MAP9: variants seen among roughly 807,000 people sequenced by gnomAD.
MAP9 encodes the protein microtubule-associated protein 9.
A neutral mutation model predicts 75.2 loss-of-function variants in MAP9; 80 were observed. The ratio of observed to expected loss-of-function variants is 1.06; its 90% CI spans 0.89 to 1.28. The LOEUF is 1.28. Ranked by LOEUF, MAP9 falls within the 50% of genes most tolerant of loss-of-function variation. MAP9 has a pLI of 0.00. For synonymous variants in MAP9, 235 were observed against 237.3 expected, an observed-to-expected ratio of 0.99 and a Z score of 0.09; for missense variants, 753 against 719.9, an observed-to-expected ratio of 1.05 and a Z score of -0.53.
Position 155,373,038 on chromosome 4 carries a change from T to C in MAP9, c.481+98A>G. On this transcript the variant is annotated intron_variant, in intron 4 of 13. Coordinates refer to ENST00000311277, the MANE Select transcript of MAP9 (RefSeq NM_001039580.2). ...AAATGGAAGTTAAGTCTGTCTTTTT[T>C]TCTTAAATATATACTAGCTACCATA... The C allele has an allele frequency of 4.0e-6, 3 of 756,288 alleles. No homozygotes were observed. The South Asian group carries it at 7.5e-5, about 19-fold the overall frequency. 46.8% of individuals were successfully genotyped at this position (756,288 alleles called of 1,614,324 possible). A position where few individuals can be genotyped will look rare whatever the true frequency, so the allele number is the denominator to read the frequency against.
chr4:155,366,369 AAAG>A (rs1732329624), intron 5 of MAP9, among the ~76,000 whole-genome samples: 1 of 151,870 alleles, frequency 6.6e-6, no homozygotes, highest in Non-Finnish European at 1.5e-5. Context: ...AAAAAAAAAA[AAAG>A]AAAGTAAAAG....
rs1731599031 is a variant in MAP9, at chr4:155,353,186, G to A, written c.1535C>T (p.Ala512Val). 6.3e-7 allele frequency: 1 copy of A among 1,592,804 alleles called. No individual in the cohort carries two copies. Among genetic ancestry groups the A allele is most frequent in the South Asian group, 1.2e-5 (1 of 86,082 alleles). The stretch of plus-strand genomic sequence containing the variant: ...GTGCAAAGTTCTGAATACTTGTAGT[G>A]CTTCTCCTTTTCTTGCAGCATTTTC... ...EEENAARKGEALQAFEKWKEK... is the reference protein window; with the variant it reads ...EEENAARKGEVLQAFEKWKEK... Residue 512 changes from alanine (A) to valine (V), a missense_variant, in exon 11 of 14, where the codon GCA becomes GTA. Ala to Val is a moderately conservative substitution (Grantham distance 64). Coordinates refer to ENST00000311277, the MANE Select transcript of MAP9 (RefSeq NM_001039580.2).
intron 4 of MAP9, among the ~76,000 whole-genome samples, chr4:155,371,023 G>C (rs1308864252): frequency 6.6e-6 from 1 of 152,194 alleles, no homozygotes; most frequent in East Asian, 1.9e-4. Context: ...GCAGATCTCA[G>C]ATTAAAGGAG....
chr4:155,365,444 A>T (rs1732280666), intron 5 of MAP9, among the ~76,000 whole-genome samples: 1 of 152,126 alleles, frequency 6.6e-6, no homozygotes, highest in South Asian at 2.1e-4. Flanking sequence ...GGTAACGGGT[A>T]AACAAATTGG....
intron 10 of MAP9, among the ~76,000 whole-genome samples, chr4:155,353,577 A>C (rs892015034): frequency 2.6e-5 from 4 of 152,152 alleles, no homozygotes; most frequent in African/African-American, 9.6e-5. Flanking sequence ...AACATTTATC[A>C]CATATTGACC....
intron 5 of MAP9, among the ~76,000 whole-genome samples, chr4:155,365,767 A>C (rs1732293961): frequency 6.6e-6 from 1 of 152,084 alleles, no homozygotes; most frequent in African/African-American, 2.4e-5. Context: ...CCAACTGGTC[A>C]AAAAAGAGAT....
At position 155,368,808 on chromosome 4, in the gene MAP9, T is replaced by C. The variant is rs1732454021; in HGVS notation, c.486A>G (p.Glu162=). ...ILSIKSTSSA[E]NNSLDTDDHF... ...GATCATCTGTGTCAAGGCTGTTGTT[T>C]TCTGCTGAAAAATAAAATGCTTAAA... Residue 162 remains glutamate, a synonymous_variant, in exon 5 of 14, where the codon GAA becomes GAG. Transcript: ENST00000311277. The C allele has an allele frequency of 1.2e-6, 2 of 1,600,162 alleles. No homozygotes were observed. Among genetic ancestry groups the C allele is most frequent in the Admixed American group, 1.7e-5 (1 of 57,148 alleles).
intron 7 of MAP9, among the ~76,000 whole-genome samples, chr4:155,358,285 C>A (rs1578843341): frequency 6.6e-6 from 1 of 152,146 alleles, no homozygotes; most frequent in East Asian, 1.9e-4. Context: ...TTTTAAGGAA[C>A]AACTTTTCTA....
At chr4:155,367,964 A>T (rs1732405140) in intron 5 of MAP9, among the ~76,000 whole-genome samples, 1 of 152,254 alleles carries the variant, frequency 6.6e-6, no homozygotes, top group African/African-American at 2.4e-5. Flanking sequence ...CCCTTCTGAA[A>T]TGTTCAGAAG....
At position 155,371,406 on chromosome 4, in the gene MAP9, A is replaced by C. The variant is rs905293812; in HGVS notation, c.481+1730T>G. Among the ~76,000 whole-genome samples, 3 of 152,146 alleles carry C rather than the reference A, an allele frequency of 2.0e-5. No homozygotes were observed. In the East Asian group the frequency reaches 5.8e-4, roughly 29 times the overall value. On this transcript the variant is annotated intron_variant, in intron 4 of 13. Transcript: ENST00000311277. Reference sequence around the variant, plus strand: ...ATACTTATTATATATGCCAGATATTATCTTAGGAACACTAGCCTCAATTTT... The same window carrying C: ...ATACTTATTATATATGCCAGATATTCTCTTAGGAACACTAGCCTCAATTTT...
chr4:155,359,462 G>A (rs1351908382), intron 7 of MAP9, among the ~76,000 whole-genome samples: 1 of 151,924 alleles, frequency 6.6e-6, no homozygotes, highest in East Asian at 1.9e-4. Flanking sequence ...GGTGCGGGAT[G>A]AGAAATTACT....
intron 2 of MAP9, 68 bp from the exon 3 acceptor site, chr4:155,375,089 A>G: frequency 1.8e-6 from 2 of 1,135,502 alleles, no homozygotes; most frequent in Non-Finnish European, 2.5e-6. Flanking sequence ...GTAATTCTTT[A>G]AACAAACAAT....
At chr4:155,371,831 T>A (rs963884309) in intron 4 of MAP9, among the ~76,000 whole-genome samples, 1 of 152,102 alleles carries the variant, frequency 6.6e-6, no homozygotes, top group African/African-American at 2.4e-5. Context: ...TTGCTATATA[T>A]GCTCGCATTT....
In MAP9 at chr4:155,368,754, A is replaced by G. The variant is rs369000109; in HGVS notation, c.540T>C (p.Ser180=). The part of the protein sequence containing the change: ...DHFKPSPRPR[S]MLKKKSHMEE... ...CCATGTGACTTTTCTTTTTCAACAT[A>G]CTCCTTGGCCGAGGTGATGGTTTAA... The change falls in exon 5 of 14, where the codon AGT becomes AGC. Residue 180 remains serine, a synonymous_variant. Coordinates refer to ENST00000311277, the MANE Select transcript of MAP9 (RefSeq NM_001039580.2). The G allele has an allele frequency of 1.6e-5, 26 of 1,613,878 alleles. No individual in the cohort carries two copies. The African/African-American group carries it at 3.1e-4, about 19-fold the overall frequency.
chr4:155,367,326 A>G (rs1379093070), intron 5 of MAP9: 2 of 152,236 alleles, frequency 1.3e-5, no homozygotes, highest in Admixed American at 6.5e-5. Context: ...GGAATGATGC[A>G]GCTACAAGCC....
At chr4:155,367,594 T>A (rs12651017) in intron 5 of MAP9, 48,315 of 152,162 alleles carry the variant, frequency 0.32, 8,561 homozygotes, top group East Asian at 0.63. Flanking sequence ...ATATAAAGTA[T>A]TTGCTTGGGT....
chr4:155,363,612 A>G (rs1180392579), intron 5 of MAP9, among the ~76,000 whole-genome samples: 2 of 152,146 alleles, frequency 1.3e-5, no homozygotes, highest in Middle Eastern at 3.2e-3. Context: ...GAAGTTGAAC[A>G]CCACAATAAG....
chr4:155,373,469 A>G lies in MAP9; in HGVS notation c.161-13T>C, dbSNP rs937834483. 7.0e-7 allele frequency: 1 copy of G among 1,432,404 alleles called. No individual in the cohort carries two copies. Among genetic ancestry groups the G allele is most frequent in the Non-Finnish European group, 9.1e-7 (1 of 1,102,472 alleles). 88.7% of individuals were successfully genotyped at this position (1,432,404 alleles called of 1,614,324 possible). On this transcript the variant is annotated splice_polypyrimidine_tract_variant and intron_variant, in intron 3 of 13. Coordinates refer to ENST00000311277, the MANE Select transcript of MAP9 (RefSeq NM_001039580.2). ...TCACCTAAAGAAACTGAAAAATGGA[A>G]AAGAAAAATGTTTTCAACAGTATTT... is the stretch of plus-strand genomic sequence containing the variant.
intron 5 of MAP9, among the ~76,000 whole-genome samples, chr4:155,363,537 G>T (rs532810315): frequency 6.6e-6 from 1 of 152,114 alleles, no homozygotes; most frequent in South Asian, 2.1e-4. Context: ...GAAAATATAT[G>T]CATGATGGCT....
Sources: gnomAD v4.1 joint callset for allele counts (sites outside exome capture counted in the v4.1 genomes callset) on GRCh38, gnomAD v4.1.1 for gene constraint, MANE v1.5 for transcripts, NCBI Gene and HGNC (gene_info 2026-07-23, HGNC 2026-07-21) for gene names.